The following ZNF565 variants were observed in gnomAD, a reference collection of about 807,000 sequenced individuals.
ZNF565 encodes zinc finger protein 565.
Under a neutral mutation model 39.4 loss-of-function variants are expected in ZNF565, and 27 were observed. The observed-to-expected ratio is 0.69, with a 90% CI of 0.51 to 0.95. The LOEUF (loss-of-function observed/expected upper bound fraction) is 0.95, where lower values mean the gene tolerates loss of function less well. ZNF565 is among the 40% of genes least tolerant of loss of function. The pLI is 0.00. For synonymous variants in ZNF565, 185 were observed against 216.6 expected (o/e 0.85, Z 1.28); for missense variants, 524 against 621.1 (o/e 0.84, Z 1.66).
At chr19:36,208,908 T>C (rs989670966) in intron 1 of ZNF565, among the ~76,000 whole-genome samples, 1 of 152,114 alleles carries the variant, frequency 6.6e-6, no homozygotes, top group Non-Finnish European at 1.5e-5. Flanking sequence ...TCACAGCTCA[T>C]TGCAACCTTG....
chr19:36,241,819 G>C (rs1908087470), intron 1 of ZNF565, among the ~76,000 whole-genome samples: 1 of 148,018 alleles, frequency 6.8e-6, no homozygotes, highest in African/African-American at 2.5e-5. Flanking sequence ...GACAATTGAG[G>C]TACAAAGATG....
chr19:36,231,269 G>T (rs1977355674), intron 1 of ZNF565, among the ~76,000 whole-genome samples: 1 of 152,044 alleles, frequency 6.6e-6, no homozygotes. Context: ...GAGTGCGGTG[G>T]TGCCATCGTG....
rs747080645 is a variant in ZNF565 at position 36,183,425 on chromosome 19, G to A, written c.541C>T (p.His181Tyr). The change falls in exon 5 of 5, where the codon CAC becomes TAC. Residue 181 changes from histidine to tyrosine, a missense_variant. Physicochemically the swap from His to Tyr is moderately conservative, Grantham distance 83. Transcript: ENST00000304116. ...TGAATTTTCTGATGTTGAATAAGGTGTGAGCCACGGCTAAATGCTTTCCCA... is the reference window on the plus strand; with the variant it reads ...TGAATTTTCTGATGTTGAATAAGGTATGAGCCACGGCTAAATGCTTTCCCA... ...ECGKAFSRGS[H>Y]LIQHQKIHTG... 2 of 1,611,872 alleles carry A rather than the reference G, an allele frequency of 1.2e-6. No individual in the cohort carries two copies. Among genetic ancestry groups the A allele is most frequent in the East Asian group, 4.5e-5 (2 of 44,860 alleles).
intron 2 of ZNF565, among the ~76,000 whole-genome samples, chr19:36,195,465 T>C (rs973002565): frequency 6.6e-6 from 1 of 151,606 alleles, no homozygotes; most frequent in Non-Finnish European, 1.5e-5. Flanking sequence ...AATATCATTA[T>C]CATACTTAAT....
intron 1 of ZNF565, chr19:36,236,918 G>T: frequency 6.2e-7 from 1 of 1,614,102 alleles, no homozygotes; most frequent in Non-Finnish European, 8.5e-7. Flanking sequence ...TAAATGTAGT[G>T]AATGTGGAAC....
chr19:36,202,403 C>CA lies in ZNF565; in HGVS notation c.-65-354dup, dbSNP rs575264431. ...ACAAAAAACAAAACAACAACAACAACAACAAAAAAAAACTGCAGAGTTAAG... is the reference window on the plus strand; with the variant it reads ...ACAAAAAACAAAACAACAACAACAACAAACAAAAAAAAACTGCAGAGTTAAG... On this transcript the variant is annotated intron_variant, in intron 1 of 4. Transcript: ENST00000304116. 9.7e-3 allele frequency among the ~76,000 whole-genome samples: 140 copies of CA among 14,494 alleles called. 1 individual carries two copies. In the South Asian group the frequency reaches 0.1, roughly 10 times the overall value. 9.5% of individuals were successfully genotyped at this position (14,494 alleles called of 152,430 possible).
At position 36,245,352 on chromosome 19, in the gene ZNF565, G is replaced by A; in HGVS notation, c.55+124C>T. 1.5e-6 allele frequency: 1 copy of A among 673,030 alleles called. No homozygotes were observed. Among genetic ancestry groups the A allele is most frequent in the Admixed American group, 2.1e-5 (1 of 47,242 alleles). 41.7% of individuals were successfully genotyped at this position (673,030 alleles called of 1,614,324 possible). ...GAGGGGCTGCTGCCGGACATTCTAG[G>A]GTCTGATCTGGCGGGCTCGAAGGGA... On this transcript the variant is annotated intron_variant, in intron 1 of 4. Coordinates refer to the ZNF565 transcript ENST00000355114. This position sits in a 1 kb window ranked among gnomAD's most constrained non-coding sequence, Gnocchi z 4.4.
At chr19:36,243,367 A>C (rs1392349550) in intron 1 of ZNF565, among the ~76,000 whole-genome samples, 1 of 152,188 alleles carries the variant, frequency 6.6e-6, no homozygotes, top group African/African-American at 2.4e-5. Context: ...CAGGGAAGGC[A>C]GACTTCCATT....
chr19:36,236,496 A>C (rs761467359), intron 1 of ZNF565: 1 of 1,614,038 alleles, frequency 6.2e-7, no homozygotes, highest in South Asian at 1.1e-5. Context: ...TTTGCCTGTA[A>C]GGTATGTGGA....
intron 1 of ZNF565, among the ~76,000 whole-genome samples, chr19:36,227,720 A>ATTTTTGT (rs1977135047): frequency 3.9e-5 from 6 of 152,098 alleles, no homozygotes; most frequent in South Asian, 4.2e-4. Context: ...GCGCCCAGCT[A>ATTTTTGT]ATTTTGTATT....
upstream of ZNF565, chr19:36,215,336 A>AG (rs1218302955): frequency 6.6e-6 from 1 of 152,184 alleles, no homozygotes; most frequent in Admixed American, 6.6e-5. Context: ...GGGGCCTCTG[A>AG]GGCGGGTTTG....
At chr19:36,235,207 CA>C (rs112972407) in intron 1 of ZNF565, among the ~76,000 whole-genome samples, 135 of 121,444 alleles carry the variant, frequency 1.1e-3, no homozygotes, top group Admixed American at 1.3e-3. Context: ...AATTCCGTCT[CA>C]AAAAAAAAAA....
chr19:36,195,550 CT>C lies in ZNF565; in HGVS notation c.10-395del, dbSNP rs933207328. Among the ~76,000 whole-genome samples, 167 of 139,110 alleles carry C rather than the reference CT, an allele frequency of 1.2e-3. 2 individuals carry two copies. Among genetic ancestry groups the C allele is most frequent in the Non-Finnish European group, 1.6e-3 (104 of 64,118 alleles). The allele number at this position is 139,110 out of a possible 152,430, so 91.3% of individuals were successfully genotyped here. On this transcript the variant is annotated intron_variant, in intron 2 of 4. Transcript: ENST00000304116. Reference sequence around the variant, plus strand: ...GTGTTCTCAATTTTTTTTCTTTTCTCTTTTTTTTTTTGAGACAGAGTTTTGC... The same window carrying C: ...GTGTTCTCAATTTTTTTTCTTTTCTCTTTTTTTTTTGAGACAGAGTTTTGC...
At chr19:36,223,616 GC>G (rs1166522409) in intron 1 of ZNF565, among the ~76,000 whole-genome samples, 1 of 152,022 alleles carries the variant, frequency 6.6e-6, no homozygotes, top group Non-Finnish European at 1.5e-5. Flanking sequence ...GCCCGCCTCG[GC>G]CCTCCAAAGT....
At chr19:36,206,999 G>A (rs917949562) in intron 1 of ZNF565, among the ~76,000 whole-genome samples, 15 of 152,118 alleles carry the variant, frequency 9.9e-5, no homozygotes, top group Admixed American at 9.2e-4. Context: ...AGGTATCTGG[G>A]GAAGTGCACG....
Position 36,182,353 on chromosome 19 carries a change from G to T in ZNF565, c.*113C>A. ...GTGAGTTTTCTGATGTTCTATGATG[G>T]AAGTGACAGGTGTTTTCTGACATTA... On this transcript the variant is annotated 3_prime_UTR_variant, in exon 5 of 5. Coordinates refer to ENST00000304116, the MANE Select transcript of ZNF565 (RefSeq NM_152477.5). The T allele has an allele frequency of 2.4e-6, 2 of 839,216 alleles. No individual in the cohort carries two copies. The highest frequency in any genetic ancestry group is 3.4e-6 in the Non-Finnish European group (2 of 587,592). 52.0% of individuals were successfully genotyped at this position (839,216 alleles called of 1,614,324 possible).
At position 36,243,336 on chromosome 19, in the gene ZNF565, A is replaced by G. The variant is rs531891177; in HGVS notation, c.55+2140T>C. Among the ~76,000 whole-genome samples the G allele has an allele frequency of 4.6e-5, 7 of 152,208 alleles. No individual in the cohort carries two copies. In the South Asian group the frequency reaches 1.5e-3, roughly 32 times the overall value. Reference sequence around the variant, plus strand: ...AGCGTGAGCCACTGTGCCAGGCCCAAACTGGATAATTTCAAATCCTCAGGG... The same window carrying G: ...AGCGTGAGCCACTGTGCCAGGCCCAGACTGGATAATTTCAAATCCTCAGGG... On this transcript the variant is annotated intron_variant, in intron 1 of 4. Transcript: ENST00000355114.
chr19:36,221,010 G>A (rs752648984), intron 1 of ZNF565, among the ~76,000 whole-genome samples: 46 of 151,544 alleles, frequency 3.0e-4, no homozygotes, highest in Non-Finnish European at 5.6e-4. Flanking sequence ...CCACCATGAC[G>A]CCTAGCTAAT....
chr19:36,220,021 G>A (rs375150618), intron 1 of ZNF565, among the ~76,000 whole-genome samples: 19 of 152,226 alleles, frequency 1.2e-4, no homozygotes, highest in African/African-American at 4.3e-4. Context: ...GATGCCAGTG[G>A]ATACCCCTTC....
Sources: gnomAD v4.1 joint callset for allele counts (sites outside exome capture counted in the v4.1 genomes callset) on GRCh38, gnomAD v4.1.1 for gene constraint, Gnocchi (gnomAD v3.1) non-coding constraint, MANE v1.5 for transcripts, NCBI Gene and HGNC (gene_info 2026-07-23, HGNC 2026-07-21) for gene names.